The following ATP11A variants were observed in gnomAD, a reference collection of about 807,000 sequenced individuals.
ATP11A encodes ATPase phospholipid transporting 11A, also known as phospholipid-transporting ATPase IH.
In ATP11A, 81 loss-of-function variants were observed where a neutral mutation model predicts 154.4. The observed-to-expected ratio is 0.52, with a 90% confidence interval of 0.44 to 0.63. The LOEUF (loss-of-function observed/expected upper bound fraction) is 0.63, where lower values mean the gene tolerates loss of function less well. Ranked by LOEUF, ATP11A falls within the 30% of genes least tolerant of loss-of-function variation. The pLI is 0.00. For synonymous variants in ATP11A, 623 were observed against 585.9 expected (o/e 1.06, Z -0.91); for missense variants, 1,316 against 1,474.3 (o/e 0.89, Z 1.76).
At chr13:112,840,570 T>G (rs554220193) in intron 16 of ATP11A, among the ~76,000 whole-genome samples, 1 of 143,444 alleles carries the variant, frequency 7.0e-6, no homozygotes, top group East Asian at 2.1e-4. Flanking sequence ...AGCCTCAGCC[T>G]CCGTCCTCCC....
At chr13:112,725,521 C>G (rs1305175557) in intron 1 of ATP11A, among the ~76,000 whole-genome samples, 1 of 152,266 alleles carries the variant, frequency 6.6e-6, no homozygotes, top group Non-Finnish European at 1.5e-5. Flanking sequence ...ACGCGGCTGG[C>G]TCTGCCTAGG....
At chr13:112,846,752 C>G (rs1022373894) in intron 17 of ATP11A, among the ~76,000 whole-genome samples, 1 of 152,178 alleles carries the variant, frequency 6.6e-6, no homozygotes, top group Admixed American at 6.5e-5. Flanking sequence ...CGTGGTCCTC[C>G]TGGAGATCTT....
chr13:112,704,702 A>T (rs1886954864), intron 1 of ATP11A, among the ~76,000 whole-genome samples: 1 of 152,238 alleles, frequency 6.6e-6, no homozygotes, highest in African/African-American at 2.4e-5. Context: ...CATTTCCTTC[A>T]TTCTTTCTGG....
intron 1 of ATP11A, among the ~76,000 whole-genome samples, chr13:112,700,803 G>A (rs189796233): frequency 7.9e-5 from 12 of 152,316 alleles, no homozygotes; most frequent in Admixed American, 2.6e-4. Context: ...CTTGTCACCC[G>A]CCTCGCCCTG....
At chr13:112,823,103 A>G (rs919816950) in intron 8 of ATP11A, among the ~76,000 whole-genome samples, 4 of 152,192 alleles carry the variant, frequency 2.6e-5, no homozygotes, top group Non-Finnish European at 5.9e-5. Flanking sequence ...GCATGCGCCA[A>G]TGGGAGGCCC....
At chr13:112,734,112 G>T (rs1244175231) in intron 1 of ATP11A, among the ~76,000 whole-genome samples, 2 of 152,198 alleles carry the variant, frequency 1.3e-5, no homozygotes, top group African/African-American at 4.8e-5. Flanking sequence ...CACCAGGAGA[G>T]TGAGTGCTCC....
At chr13:112,814,921 A>G (rs2140178003) in intron 5 of ATP11A, among the ~76,000 whole-genome samples, 1 of 152,318 alleles carries the variant, frequency 6.6e-6, no homozygotes, top group South Asian at 2.1e-4. Context: ...GGATTTTACT[A>G]AACCCAAAGG....
intron 13 of ATP11A, among the ~76,000 whole-genome samples, chr13:112,831,803 GCACACGGACA>G (rs1462230277): frequency 1.2e-4 from 18 of 152,190 alleles, no homozygotes; most frequent in East Asian, 1.9e-4. Flanking sequence ...GACACCATGT[GCACACGGACA>G]CACATGCACA....
chr13:112,845,603 TA>T (rs1346733638), intron 17 of ATP11A, among the ~76,000 whole-genome samples: 15 of 122,278 alleles, frequency 1.2e-4, no homozygotes, highest in East Asian at 5.0e-4. Context: ...CCAGTCCAGT[TA>T]CCAGGCACTA....
chr13:112,864,462 C>T (rs1442693057), intron 25 of ATP11A, among the ~76,000 whole-genome samples: 15 of 94,234 alleles, frequency 1.6e-4, no homozygotes, highest in African/African-American at 5.7e-4. Context: ...GCCCATGCAG[C>T]TTCCCAGCGG....
chr13:112,747,700 G>A lies in ATP11A; in HGVS notation c.40-37435G>A, dbSNP rs146624450. On this transcript the variant is annotated intron_variant, in intron 1 of 29. Transcript: ENST00000375645. Reference sequence around the variant, plus strand: ...AAAGTACAAAAATTAGCCAGGCATTGTGGTGCACGCCTGTAATCCCAGCTA... The same window carrying A: ...AAAGTACAAAAATTAGCCAGGCATTATGGTGCACGCCTGTAATCCCAGCTA... 6.9e-4 allele frequency among the ~76,000 whole-genome samples: 105 copies of A among 152,312 alleles called. No homozygotes were observed. The East Asian group carries it at 0.017, about 25-fold the overall frequency.
At chr13:112,771,420 G>A (rs2077223027) in intron 1 of ATP11A, among the ~76,000 whole-genome samples, 1 of 152,238 alleles carries the variant, frequency 6.6e-6, no homozygotes, top group African/African-American at 2.4e-5. Flanking sequence ...CTGGTGGGAG[G>A]AGTTGCCCCC....
chr13:112,808,397 C>G (rs1167630780), intron 4 of ATP11A, among the ~76,000 whole-genome samples: 1 of 152,128 alleles, frequency 6.6e-6, no homozygotes, highest in East Asian at 1.9e-4. Flanking sequence ...CCCGCGCGTC[C>G]TGCTACCCAG....
chr13:112,757,413 C>T (rs2076867046), intron 1 of ATP11A, among the ~76,000 whole-genome samples: 1 of 152,260 alleles, frequency 6.6e-6, no homozygotes, highest in Non-Finnish European at 1.5e-5. Flanking sequence ...TCACGACTTC[C>T]TCTTATGTCG....
chr13:112,711,475 C>CA (rs1887742675), intron 1 of ATP11A, among the ~76,000 whole-genome samples: 2 of 151,464 alleles, frequency 1.3e-5, no homozygotes, highest in Non-Finnish European at 2.9e-5. Context: ...AGTTAAAACT[C>CA]AAAGGGGAGG....
intron 1 of ATP11A, among the ~76,000 whole-genome samples, chr13:112,775,246 G>C (rs77024754): frequency 0.025 from 3,862 of 152,346 alleles, 173 homozygotes; most frequent in African/African-American, 0.088. Context: ...GGCAGAACAC[G>C]GCGTGAAGCT....
intron 27 of ATP11A, 37 bp downstream of exon 27, chr13:112,873,713 A>G (rs2080620923): frequency 6.4e-7 from 1 of 1,566,038 alleles, no homozygotes; most frequent in East Asian, 2.2e-5. Flanking sequence ...TCTGATAAAT[A>G]TCATGTGGTT....
At chr13:112,863,896 G>A (rs866380384) in intron 25 of ATP11A, among the ~76,000 whole-genome samples, 2 of 71,570 alleles carry the variant, frequency 2.8e-5, no homozygotes, top group African/African-American at 1.0e-4. Flanking sequence ...CACCACCTGC[G>A]CAGTAATTCA....
chr13:112,872,172 T>C (rs2080544417), intron 26 of ATP11A, among the ~76,000 whole-genome samples: 1 of 152,324 alleles, frequency 6.6e-6, no homozygotes, highest in East Asian at 1.9e-4. Context: ...TTTGAAAAAT[T>C]TCACTCTTTA....
Sources: gnomAD v4.1 joint callset for allele counts (sites outside exome capture counted in the v4.1 genomes callset) on GRCh38, gnomAD v4.1.1 for gene constraint, MANE v1.5 for transcripts, NCBI Gene and HGNC (gene_info 2026-07-23, HGNC 2026-07-21) for gene names.